The following CNTNAP4 variants were observed in gnomAD, a reference collection of about 807,000 sequenced individuals.
CNTNAP4 encodes the protein contactin-associated protein-like 4.
A neutral mutation model predicts 148.4 loss-of-function variants in CNTNAP4; 98 were observed. That is an observed-to-expected ratio of 0.66 (90% CI 0.56 to 0.78). The LOEUF (loss-of-function observed/expected upper bound fraction) is 0.78, where lower values mean the gene tolerates loss of function less well. Ranked by LOEUF, CNTNAP4 falls within the 30% of genes least tolerant of loss-of-function variation. The pLI is 0.00. For synonymous variants in CNTNAP4, 730 were observed against 565.1 expected, an observed-to-expected ratio of 1.29 and a Z score of -4.14; for missense variants, 1,935 against 1,565.6, an observed-to-expected ratio of 1.24 and a Z score of -3.98.
chr16:76,339,227 C>T (rs1964269009), intron 2 of CNTNAP4, among the ~76,000 whole-genome samples: 1 of 152,028 alleles, frequency 6.6e-6, no homozygotes, highest in Non-Finnish European at 1.5e-5. Context: ...TGCCAGAGAT[C>T]ACTGAGCTTC....
At chr16:76,359,168 G>A (rs531447052) in intron 3 of CNTNAP4, among the ~76,000 whole-genome samples, 2 of 152,154 alleles carry the variant, frequency 1.3e-5, no homozygotes, top group African/African-American at 4.8e-5. Context: ...TTACAAATGT[G>A]TATTTCCCAA....
At chr16:76,298,280 TG>T (rs1320822041) in intron 1 of CNTNAP4, among the ~76,000 whole-genome samples, 2 of 152,176 alleles carry the variant, frequency 1.3e-5, no homozygotes, top group Non-Finnish European at 2.9e-5. Context: ...AATAGAACTG[TG>T]TGTTTAATCA....
intron 13 of CNTNAP4, among the ~76,000 whole-genome samples, chr16:76,493,609 CTA>C (rs2082300922): frequency 6.6e-6 from 1 of 151,932 alleles, no homozygotes; most frequent in Admixed American, 6.6e-5. Context: ...TTAAGAATAA[CTA>C]TTTTTCTTTT....
chr16:76,452,855 T>C, intron 8 of CNTNAP4, 86 bp downstream of exon 8: 1 of 1,202,734 alleles, frequency 8.3e-7, no homozygotes, highest in Non-Finnish European at 1.1e-6. Context: ...TAACCAAAAA[T>C]GTAATATTTG....
At chr16:76,421,474 C>T (rs568845445) in intron 3 of CNTNAP4, among the ~76,000 whole-genome samples, 1 of 152,126 alleles carries the variant, frequency 6.6e-6, no homozygotes, top group African/African-American at 2.4e-5. Context: ...TCTTGTTCAA[C>T]ATATGTTTAA....
intron 2 of CNTNAP4, among the ~76,000 whole-genome samples, chr16:76,339,444 AGATACTAGAT>A (rs1408540894): frequency 1.3e-5 from 2 of 152,180 alleles, no homozygotes; most frequent in African/African-American, 4.8e-5. Context: ...ATTTATGTTA[AGATACTAGAT>A]GACATTAATA....
At chr16:76,332,376 T>C (rs1403832368) in intron 2 of CNTNAP4, among the ~76,000 whole-genome samples, 1 of 152,086 alleles carries the variant, frequency 6.6e-6, no homozygotes, top group Non-Finnish European at 1.5e-5. Flanking sequence ...TCCTCCTGCC[T>C]TAGTCTCCTG....
At chr16:76,396,406 A>T (rs149331970) in intron 3 of CNTNAP4, among the ~76,000 whole-genome samples, 111 of 152,242 alleles carry the variant, frequency 7.3e-4, no homozygotes, top group Non-Finnish European at 1.2e-3. Flanking sequence ...CCTAATTTTT[A>T]TCAAGGAGGT....
intron 2 of CNTNAP4, 113 bp downstream of exon 2, chr16:76,316,636 T>G: frequency 1.4e-6 from 1 of 714,920 alleles, no homozygotes; most frequent in Non-Finnish European, 2.4e-6. Context: ...AATTTCGAAA[T>G]AAGCAAATGG....
At chr16:76,449,239 C>G (rs1263479476) in intron 6 of CNTNAP4, among the ~76,000 whole-genome samples, 1 of 152,084 alleles carries the variant, frequency 6.6e-6, no homozygotes, top group Non-Finnish European at 1.5e-5. Context: ...CCAAAAAAAT[C>G]TTATTACCAC....
At chr16:76,434,662 T>A (rs1361528728) in intron 4 of CNTNAP4, among the ~76,000 whole-genome samples, 1 of 152,216 alleles carries the variant, frequency 6.6e-6, no homozygotes, top group Non-Finnish European at 1.5e-5. Context: ...GATGTGATAT[T>A]GTTTTTCATT....
chr16:76,388,311 A>AT (rs2016681292), intron 3 of CNTNAP4, among the ~76,000 whole-genome samples: 1 of 152,244 alleles, frequency 6.6e-6, no homozygotes, highest in Non-Finnish European at 1.5e-5. Context: ...TTTTTCAAAC[A>AT]TTGGTACCAT....
chr16:76,324,524 A>G (rs1054671020), intron 2 of CNTNAP4, among the ~76,000 whole-genome samples: 1 of 152,198 alleles, frequency 6.6e-6, no homozygotes, highest in Non-Finnish European at 1.5e-5. Flanking sequence ...GAAGAAACCA[A>G]ATAATTTCAG....
In CNTNAP4 at chr16:76,558,486, C is replaced by G; in HGVS notation, c.3734-4C>G. 4 of 1,561,880 alleles carry G rather than the reference C, an allele frequency of 2.6e-6. No homozygotes were observed. The highest frequency in any genetic ancestry group is 3.4e-5 in the Admixed American group (2 of 59,022). On this transcript the variant is annotated splice_polypyrimidine_tract_variant and splice_region_variant and intron_variant, in intron 23 of 23. Transcript: ENST00000611870. ...CTGACTTTATATTTCTTTTCTCTCT[C>G]TAGGTCTGATAGCTGTTGTGATTTT...
intron 23 of CNTNAP4, chr16:76,557,232 T>C (rs918817031): frequency 2.0e-5 from 3 of 152,208 alleles, no homozygotes; most frequent in Admixed American, 2.0e-4. Flanking sequence ...TCACAACATA[T>C]GCTGTGTAAT....
Position 76,509,204 on chromosome 16 carries a change from C to G in CNTNAP4, c.2365+10510C>G, listed in dbSNP as rs2082929347. Among the ~76,000 whole-genome samples, 2 of 96,756 alleles carry G rather than the reference C, an allele frequency of 2.1e-5. 1 individual carries two copies. The highest frequency in any genetic ancestry group is 8.4e-4 in the South Asian group (2 of 2,378). 63.5% of individuals were successfully genotyped at this position (96,756 alleles called of 152,430 possible). A position where few individuals can be genotyped will look rare whatever the true frequency, so the allele number is the denominator to read the frequency against. On this transcript the variant is annotated intron_variant, in intron 15 of 23. Transcript: ENST00000611870. ...CTAGTGCAGGGCTTCCCAGTCTCAC[C>G]ACTTTTGACATGTGGGCTGGATAAT... is the stretch of plus-strand genomic sequence containing the variant.
intron 2 of CNTNAP4, among the ~76,000 whole-genome samples, chr16:76,323,311 C>G (rs1322179310): frequency 6.7e-6 from 1 of 148,490 alleles, no homozygotes; most frequent in Non-Finnish European, 1.5e-5. Flanking sequence ...TTTTTTTTTC[C>G]TCAGCAGTCT....
chr16:76,333,634 C>G lies in CNTNAP4; in HGVS notation c.196+17111C>G, dbSNP rs376830607. ...TCTATTAATTTCTCCTGTGAATGGA[C>G]TCTACATTCCTTTTTTTGCATGCAT... On this transcript the variant is annotated intron_variant, in intron 2 of 23. Transcript: ENST00000611870. 1.4e-4 allele frequency among the ~76,000 whole-genome samples: 21 copies of G among 152,178 alleles called. No homozygotes were observed. The South Asian group carries it at 4.2e-3, about 30-fold the overall frequency.
chr16:76,458,045 G>A (rs1223178441), intron 8 of CNTNAP4, among the ~76,000 whole-genome samples: 1 of 152,132 alleles, frequency 6.6e-6, no homozygotes, highest in African/African-American at 2.4e-5. Flanking sequence ...AGAACATGCT[G>A]TATTTGGTTT....
Sources: gnomAD v4.1 joint callset for allele counts (sites outside exome capture counted in the v4.1 genomes callset) on GRCh38, gnomAD v4.1.1 for gene constraint, MANE v1.5 for transcripts, NCBI Gene and HGNC (gene_info 2026-07-23, HGNC 2026-07-21) for gene names.